Variants in KCNQ5 observed in about 807,000 individuals in gnomAD.
The protein encoded by KCNQ5 is potassium voltage-gated channel subfamily Q member 5, also known as potassium voltage-gated channel subfamily KQT member 5.
In KCNQ5, 30 loss-of-function variants were observed where a neutral mutation model predicts 98.2. The observed-to-expected ratio is 0.31, with a 90% CI of 0.23 to 0.41. The LOEUF (loss-of-function observed/expected upper bound fraction) is 0.41. Among genes scored for constraint, KCNQ5 ranks in the 10% least tolerant of loss-of-function variants. KCNQ5 has a pLI of 1.00. For missense variants in KCNQ5, 835 were observed against 1,182.5 expected, an observed-to-expected ratio of 0.71 and a Z score of 4.31; for synonymous variants, 458 against 449.4, an observed-to-expected ratio of 1.02 and a Z score of -0.24.
intron 1 of KCNQ5, among the ~76,000 whole-genome samples, chr6:72,843,833 T>G (rs967011547): frequency 3.9e-5 from 6 of 152,228 alleles, no homozygotes; most frequent in African/African-American, 1.4e-4. Flanking sequence ...GTGGCACTTA[T>G]ACACCATGGA....
intron 9 of KCNQ5, chr6:73,129,766 G>A: frequency 6.9e-6 from 11 of 1,597,456 alleles, no homozygotes; most frequent in Non-Finnish European, 9.4e-6. Flanking sequence ...GCTTAGTAAT[G>A]TGCTGCTCTA....
At chr6:73,113,607 T>G (rs1775352540) in intron 7 of KCNQ5, among the ~76,000 whole-genome samples, 1 of 152,260 alleles carries the variant, frequency 6.6e-6, no homozygotes, top group African/African-American at 2.4e-5. Context: ...AGAGAATAAC[T>G]GCAGGAAATC....
intron 1 of KCNQ5, among the ~76,000 whole-genome samples, chr6:72,868,582 T>C (rs1778083113): frequency 6.6e-6 from 1 of 152,140 alleles, no homozygotes; most frequent in Non-Finnish European, 1.5e-5. Context: ...CATATTGCAT[T>C]CAGTGAGTGT....
chr6:72,986,636 G>A, intron 1 of KCNQ5: 2 of 731,970 alleles, frequency 2.7e-6, no homozygotes, highest in Non-Finnish European at 4.8e-6. Context: ...CAGACGGTCA[G>A]AGAAGTCACC....
At chr6:72,879,840 C>T (rs1778571740) in intron 1 of KCNQ5, among the ~76,000 whole-genome samples, 2 of 152,006 alleles carry the variant, frequency 1.3e-5, no homozygotes, top group Non-Finnish European at 2.9e-5. Flanking sequence ...AGTCCATTTT[C>T]CTATTTTCTT....
At chr6:72,688,461 T>G (rs898142235) in intron 1 of KCNQ5, among the ~76,000 whole-genome samples, 2 of 152,202 alleles carry the variant, frequency 1.3e-5, no homozygotes, top group Non-Finnish European at 2.9e-5. Flanking sequence ...CAAATTACAG[T>G]ATACCTAAAA....
intron 1 of KCNQ5, among the ~76,000 whole-genome samples, chr6:72,655,021 T>TGTCC (rs1565060017): frequency 8.2e-6 from 1 of 122,336 alleles, no homozygotes; most frequent in African/African-American, 2.9e-5. Flanking sequence ...AGCCAAGGTC[T>TGTCC]GTCTGTCTTT....
At chr6:73,055,362 A>G (rs1202820740) in intron 3 of KCNQ5, 7 of 1,457,076 alleles carry the variant, frequency 4.8e-6, no homozygotes, top group South Asian at 2.3e-5. Context: ...GAGCAGCACT[A>G]TGGGGCTCTA....
At chr6:73,097,215 A>G (rs1055453967) in intron 5 of KCNQ5, among the ~76,000 whole-genome samples, 3 of 145,200 alleles carry the variant, frequency 2.1e-5, no homozygotes, top group Admixed American at 1.4e-4. Context: ...TCCTTTGACC[A>G]TCATCTCCCC....
chr6:72,962,182 AATAT>A (rs369197941), intron 1 of KCNQ5, among the ~76,000 whole-genome samples: 3 of 129,282 alleles, frequency 2.3e-5, no homozygotes, highest in African/African-American at 8.6e-5. Flanking sequence ...TGTTTCTCTA[AATAT>A]ATATATATAT....
chr6:72,910,337 A>G lies in KCNQ5; in HGVS notation c.399-93571A>G, dbSNP rs12661213. On this transcript the variant is annotated intron_variant, in intron 1 of 13. Coordinates refer to ENST00000370398, the MANE Select transcript of KCNQ5 (RefSeq NM_019842.4). ...TATAGTTGAGGAAATAAAATGATAC[A>G]GTTTACATTTGTTCAGTGTTAACAC... 2.7e-3 allele frequency among the ~76,000 whole-genome samples: 405 copies of G among 152,282 alleles called. 4 individuals are homozygous for G. The highest frequency in any genetic ancestry group is 0.02 in the East Asian group (106 of 5,180).
At chr6:73,036,273 C>T (rs549889047) in intron 2 of KCNQ5, among the ~76,000 whole-genome samples, 62 of 150,850 alleles carry the variant, frequency 4.1e-4, no homozygotes, top group African/African-American at 1.5e-3. Flanking sequence ...GTAGTCCCAG[C>T]TACTCGGGAG....
intron 3 of KCNQ5, 84 bp from the exon 4 acceptor site, chr6:73,077,238 A>G: frequency 1.5e-6 from 2 of 1,361,576 alleles, no homozygotes; most frequent in Non-Finnish European, 2.1e-6. Flanking sequence ...AAATAGGTCA[A>G]AGTGAACCTT....
intron 1 of KCNQ5, among the ~76,000 whole-genome samples, chr6:72,830,501 T>C (rs1776210062): frequency 6.6e-6 from 1 of 152,202 alleles, no homozygotes; most frequent in South Asian, 2.1e-4. Context: ...CCCTATTTAA[T>C]AAATGGTGCT....
chr6:72,626,345 C>A (rs1188213209), intron 1 of KCNQ5, among the ~76,000 whole-genome samples: 3 of 152,176 alleles, frequency 2.0e-5, no homozygotes, highest in Non-Finnish European at 4.4e-5. Flanking sequence ...AATGAACAAT[C>A]TTGACAGAGA....
At chr6:72,949,781 C>T (rs1766715041) in intron 1 of KCNQ5, among the ~76,000 whole-genome samples, 1 of 152,164 alleles carries the variant, frequency 6.6e-6, no homozygotes, top group Non-Finnish European at 1.5e-5. Context: ...AAACTAGCTG[C>T]TGCTCCCACA....
Position 72,885,196 on chromosome 6 carries a change from G to A in KCNQ5, c.399-118712G>A, listed in dbSNP as rs145752133. Among the ~76,000 whole-genome samples the A allele has an allele frequency of 8.1e-3, 1,232 of 152,254 alleles. 8 individuals carry two copies. Among genetic ancestry groups the A allele is most frequent in the South Asian group, 0.016 (78 of 4,816 alleles). On this transcript the variant is annotated intron_variant, in intron 1 of 13. Transcript: ENST00000370398. ...TTGTCAGCTTCATAAGTGCAGGGACGATTTCAATTTTGACTACCTTTATAT... is the reference window on the plus strand; with the variant it reads ...TTGTCAGCTTCATAAGTGCAGGGACAATTTCAATTTTGACTACCTTTATAT...
intron 1 of KCNQ5, among the ~76,000 whole-genome samples, chr6:72,902,566 G>C (rs765952602): frequency 3.9e-5 from 6 of 152,086 alleles, no homozygotes; most frequent in Admixed American, 6.5e-5. Flanking sequence ...TGCTGGATTT[G>C]TCAAATGCTT....
intron 1 of KCNQ5, among the ~76,000 whole-genome samples, chr6:72,982,963 G>A (rs1292179426): frequency 6.6e-6 from 1 of 152,188 alleles, no homozygotes; most frequent in Non-Finnish European, 1.5e-5. Context: ...ATTCTGGGTT[G>A]AAAATTCTTT....
Sources: allele counts gnomAD v4.1 joint callset (sites outside exome capture counted in the v4.1 genomes callset), GRCh38; gene constraint gnomAD v4.1.1; transcripts MANE v1.5; gene names NCBI Gene and HGNC (gene_info 2026-07-23, HGNC 2026-07-21).